Variants in ZNF667 observed in about 807,000 individuals in gnomAD.
ZNF667 encodes the protein myocardial ischemic preconditioning upregulated 1 ortholog.
A neutral mutation model predicts 31.8 loss-of-function variants in ZNF667; 13 were observed. That is an observed-to-expected ratio of 0.41 (90% CI 0.27 to 0.65). The LOEUF (loss-of-function observed/expected upper bound fraction) is 0.65, where lower values mean the gene tolerates loss of function less well. ZNF667 is among the 30% of genes least tolerant of loss of function. The pLI is 0.32. For missense variants in ZNF667, 642 were observed against 725.6 expected, an observed-to-expected ratio of 0.88 and a Z score of 1.32; for synonymous variants, 228 against 247.1, an observed-to-expected ratio of 0.92 and a Z score of 0.73.
At position 56,441,799 on chromosome 19, in the gene ZNF667, G is replaced by A; in HGVS notation, c.1196C>T (p.Ser399Leu). 8 of 1,614,038 alleles carry A rather than the reference G, an allele frequency of 5.0e-6. No homozygotes were observed. The Middle Eastern group carries it at 1.2e-3, about 233-fold the overall frequency. ...NKCEKVCNRH[S>L]SLIQHQKVHT... ...AACTTTCTGATGTTGAATAAGGGATGAATGCCGATTGCAGACCTTCTCACA... is the reference window on the plus strand; with the variant it reads ...AACTTTCTGATGTTGAATAAGGGATAAATGCCGATTGCAGACCTTCTCACA... The change falls in exon 7 of 7, where the codon TCA becomes TTA. Residue 399 changes from serine to leucine, a missense_variant. By Grantham distance (145) the Ser-to-Leu change is moderately radical. Transcript: ENST00000504904. The surrounding 1 kb of genome is among the most constrained non-coding windows in gnomAD (Gnocchi z 4.2).
intron 6 of ZNF667, among the ~76,000 whole-genome samples, chr19:56,452,633 A>G (rs62121592): frequency 0.17 from 26,229 of 151,972 alleles, 2,698 homozygotes; most frequent in Middle Eastern, 0.29. Flanking sequence ...GAAAACCACA[A>G]AAGAGCCTGG....
rs185209097 is a variant in ZNF667, at chr19:56,440,818, G to A, written c.*344C>T. On this transcript the variant is annotated 3_prime_UTR_variant, in exon 7 of 7. Coordinates refer to ENST00000504904, the MANE Select transcript of ZNF667 (RefSeq NM_001321356.2). ...CGCCCAGCTAATTTTGTATTTTTTA[G>A]TAGAGACAGGGTTTCACCGTGGTCT... The A allele has an allele frequency of 8.7e-5, 66 of 754,772 alleles. No homozygotes were observed. The African/African-American group carries it at 1.1e-3, about 13-fold the overall frequency. The allele number at this position is 754,772 out of a possible 1,614,324, so 46.8% of individuals were successfully genotyped here.
At chr19:56,458,069 G>A (rs2042970050) in intron 6 of ZNF667, 86 bp downstream of exon 6, 1 of 1,176,198 alleles carries the variant, frequency 8.5e-7, no homozygotes, top group Non-Finnish European at 1.3e-6. Flanking sequence ...GTAGATTTCT[G>A]GTGTTTGTAA....
intron 3 of ZNF667, among the ~76,000 whole-genome samples, chr19:56,471,447 C>A (rs2043290549): frequency 6.6e-6 from 1 of 152,152 alleles, no homozygotes; most frequent in Non-Finnish European, 1.5e-5. Context: ...AGCTCCAGCA[C>A]ACCACTGCTG....
At chr19:56,449,556 C>A in intron 6 of ZNF667, 1 of 260,164 alleles carries the variant, frequency 3.8e-6, no homozygotes, top group Non-Finnish European at 7.8e-6. Context: ...GTGGGACACA[C>A]CTGTAATCCC....
At position 56,476,191 on chromosome 19, in the gene ZNF667, C is replaced by G. The variant is rs10411554; in HGVS notation, c.-662+1081G>C. ...GGTGAAACCAGGAGTCAACACCAGA[C>G]AGCGGGGCGCCACAGTCCATGCTCT... On this transcript the variant is annotated intron_variant, in intron 1 of 6. Transcript: ENST00000504904. 4.5e-3 allele frequency among the ~76,000 whole-genome samples: 681 copies of G among 152,276 alleles called. 5 individuals carry two copies. The highest frequency in any genetic ancestry group is 0.016 in the African/African-American group (651 of 41,542).
chr19:56,444,238 T>C (rs2042676667), intron 6 of ZNF667: 2 of 398,574 alleles, frequency 5.0e-6, no homozygotes, highest in Non-Finnish European at 8.8e-6. Context: ...TGTACAAGCA[T>C]GGTGCTGGCA....
chr19:56,451,000 T>C (rs964493653), intron 6 of ZNF667, among the ~76,000 whole-genome samples: 1 of 152,112 alleles, frequency 6.6e-6, no homozygotes, highest in Non-Finnish European at 1.5e-5. Flanking sequence ...AAATATTAAA[T>C]GTACATGGAC....
rs1458974959 is a variant in ZNF667, at chr19:56,474,008, A to T, written c.-549+4T>A. 1.3e-5 allele frequency: 2 copies of T among 152,220 alleles called. No individual in the cohort carries two copies. The highest frequency in any genetic ancestry group is 4.8e-5 in the African/African-American group (2 of 41,448). 9.4% of individuals were successfully genotyped at this position (152,220 alleles called of 1,614,324 possible). A position where few individuals can be genotyped will look rare whatever the true frequency, so the allele number is the denominator to read the frequency against. ...GAAATAAAAGAAGGCTGGATCGCAC[A>T]TACCACATCAAGGCAGGGCTGTAAA... On this transcript the variant is annotated splice_donor_region_variant and intron_variant, in intron 2 of 6. Coordinates refer to ENST00000504904, the MANE Select transcript of ZNF667 (RefSeq NM_001321356.2).
chr19:56,441,643 A>G lies in ZNF667; in HGVS notation c.1352T>C (p.Val451Ala), dbSNP rs1373958380. The change falls in exon 7 of 7, where the codon GTT (valine) becomes GCT (alanine). Residue 451 changes from valine to alanine, a missense_variant. Val to Ala is a moderately conservative substitution (Grantham distance 64, BLOSUM62 0). Coordinates refer to ENST00000504904, the MANE Select transcript of ZNF667 (RefSeq NM_001321356.2). This position sits in a 1 kb window ranked among gnomAD's most constrained non-coding sequence, Gnocchi z 4.2. ...AATAAGAAATGATTGGCGGCCGAAAACTTTACTACATTTATTGCATTTGAA... is the reference window on the plus strand; with the variant it reads ...AATAAGAAATGATTGGCGGCCGAAAGCTTTACTACATTTATTGCATTTGAA... ...KPFKCNKCSK[V>A]FGRQSFLIEH... 3 of 1,613,896 alleles carry G rather than the reference A, an allele frequency of 1.9e-6. No individual in the cohort carries two copies. Among genetic ancestry groups the G allele is most frequent in the Non-Finnish European group, 2.5e-6 (3 of 1,179,968 alleles).
In ZNF667 at chr19:56,441,476, C is replaced by T. The variant is rs746302055; in HGVS notation, c.1519G>A (p.Ala507Thr). The T allele has an allele frequency of 3.7e-6, 6 of 1,614,064 alleles. No homozygotes were observed. Among genetic ancestry groups the T allele is most frequent in the African/African-American group, 1.3e-5 (1 of 74,924 alleles). Residue 507 changes from alanine (A) to threonine (T), a missense_variant, in exon 7 of 7, where the codon GCC (alanine) becomes ACC (threonine). Coordinates refer to ENST00000504904, the MANE Select transcript of ZNF667 (RefSeq NM_001321356.2). The surrounding 1 kb of genome is among the most constrained non-coding windows in gnomAD (Gnocchi z 4.2). ...RPYECDQCGK[A>T]FSQSAHLAQH... ...GCGAGGTGTGCACTCTGGCTGAAGG[C>T]CTTCCCACACTGATCACATTCATAG...
chr19:56,444,376 A>G, intron 6 of ZNF667: 1 of 396,072 alleles, frequency 2.5e-6, no homozygotes, highest in East Asian at 3.6e-5. Context: ...TACAACGATC[A>G]GATTTTGTAA....
At chr19:56,468,561 C>G (rs112444991) in intron 3 of ZNF667, 1 of 152,218 alleles carries the variant, frequency 6.6e-6, no homozygotes, top group African/African-American at 2.4e-5. Context: ...AGCTGTGCCC[C>G]GACCACCTTG....
rs370386156 is a variant in ZNF667 at position 56,442,066 on chromosome 19, T to G, written c.929A>C (p.Glu310Ala). 1 of 1,614,058 alleles carries G rather than the reference T, an allele frequency of 6.2e-7. No individual in the cohort carries two copies. The highest frequency in any genetic ancestry group is 1.3e-5 in the African/African-American group (1 of 74,936). Reference sequence around the variant, plus strand: ...ACTCTGACTTAAGGCCTTCGCATTTTCAGGGATTTTCTCTCCAGCATGAAT... The same window carrying G: ...ACTCTGACTTAAGGCCTTCGCATTTGCAGGGATTTTCTCTCCAGCATGAAT... ...KRIHAGEKIP[E>A]NAKALSQSLQ... Residue 310 changes from glutamate to alanine, a missense_variant, in exon 7 of 7, where the codon GAA becomes GCA. Transcript: ENST00000504904.
chr19:56,465,124 C>CCT (rs1178803882), intron 3 of ZNF667, among the ~76,000 whole-genome samples: 1 of 152,204 alleles, frequency 6.6e-6, no homozygotes, highest in Admixed American at 6.5e-5. Context: ...CCAGCACACG[C>CCT]CTCCAAAGAA....
At chr19:56,470,184 G>A (rs553108942) in intron 3 of ZNF667, 7 of 372,624 alleles carry the variant, frequency 1.9e-5, no homozygotes, top group Admixed American at 9.2e-5. Flanking sequence ...TCAGTGCTCC[G>A]TTAAGGTAAA....
At chr19:56,469,334 G>A (rs2043235427) in intron 3 of ZNF667, among the ~76,000 whole-genome samples, 2 of 152,172 alleles carry the variant, frequency 1.3e-5, no homozygotes, top group African/African-American at 4.8e-5. Context: ...GGGTGAGGCG[G>A]CCCCCAGTGG....
rs2043299150 is a variant in ZNF667 at position 56,471,861 on chromosome 19, GT to G, written c.-223del. The G allele has an allele frequency of 6.6e-6, 1 of 152,204 alleles. No homozygotes were observed. The highest frequency in any genetic ancestry group is 2.4e-5 in the African/African-American group (1 of 41,430). The allele number at this position is 152,204 out of a possible 1,614,324, so 9.4% of individuals were successfully genotyped here. A position where few individuals can be genotyped will look rare whatever the true frequency, so the allele number is the denominator to read the frequency against. ...TTCTTGTCTGATATGGTCTGGCTGT[GT>G]CCCCACTCAAATCTCATCTTGAATT... On this transcript the variant is annotated 5_prime_UTR_variant, in exon 3 of 7. An upstream open reading frame in the 5' UTR loses its in-frame stop. Transcript: ENST00000504904.
chr19:56,469,120 C>G (rs1261126847), intron 3 of ZNF667, among the ~76,000 whole-genome samples: 4 of 152,202 alleles, frequency 2.6e-5, no homozygotes, highest in African/African-American at 9.7e-5. Flanking sequence ...AATTACAGGG[C>G]TAGGGTGAGA....
Sources: gnomAD v4.1 joint callset for allele counts (sites outside exome capture counted in the v4.1 genomes callset) on GRCh38, gnomAD v4.1.1 for gene constraint, Gnocchi (gnomAD v3.1) non-coding constraint, MANE v1.5 for transcripts, NCBI Gene and HGNC (gene_info 2026-07-23, HGNC 2026-07-21) for gene names.